Variants in TMEM132B observed in about 807,000 individuals in gnomAD.
The protein encoded by TMEM132B is transmembrane protein 132B.
In TMEM132B, 18 loss-of-function variants were observed where a neutral mutation model predicts 90.8. The ratio of observed to expected loss-of-function variants is 0.20; its 90% confidence interval spans 0.14 to 0.29. The LOEUF is 0.29. TMEM132B is among the 10% of genes least tolerant of loss of function. The pLI, the probability that TMEM132B is intolerant of heterozygous loss-of-function variation, is 1.00. For synonymous variants in TMEM132B, 504 were observed against 523.3 expected (o/e 0.96, Z 0.50); for missense variants, 1,096 against 1,326.8 (o/e 0.83, Z 2.70).
intron 1 of TMEM132B, among the ~76,000 whole-genome samples, chr12:125,259,573 T>C (rs999296656): frequency 6.6e-6 from 1 of 152,228 alleles, no homozygotes. Context: ...TTCTCTTTCC[T>C]GGGTTTGAAA....
chr12:125,603,080 A>G (rs1056660440), intron 5 of TMEM132B, among the ~76,000 whole-genome samples: 1 of 152,206 alleles, frequency 6.6e-6, no homozygotes, highest in Non-Finnish European at 1.5e-5. Flanking sequence ...TACCATTTAC[A>G]TTCTTCACAG....
chr12:125,546,064 C>G (rs1314220237), intron 4 of TMEM132B, among the ~76,000 whole-genome samples: 1 of 152,122 alleles, frequency 6.6e-6, no homozygotes, highest in Admixed American at 6.5e-5. Flanking sequence ...GTGTAATCAC[C>G]ACTAAAATAA....
chr12:125,475,099 G>A (rs1009781200), intron 3 of TMEM132B, among the ~76,000 whole-genome samples: 1 of 152,118 alleles, frequency 6.6e-6, no homozygotes, highest in Non-Finnish European at 1.5e-5. Flanking sequence ...GTGGATTACA[G>A]GTAGATATCA....
intron 3 of TMEM132B, among the ~76,000 whole-genome samples, chr12:125,507,269 A>G (rs1351597617): frequency 6.6e-6 from 1 of 152,240 alleles, no homozygotes; most frequent in Non-Finnish European, 1.5e-5. Flanking sequence ...TGATATGTTT[A>G]TGAAGTGCCT....
At chr12:125,623,425 TG>T (rs1385875152) in intron 5 of TMEM132B, among the ~76,000 whole-genome samples, 1 of 152,056 alleles carries the variant, frequency 6.6e-6, no homozygotes, top group Non-Finnish European at 1.5e-5. Flanking sequence ...TTTTTCTCCT[TG>T]GGTAAGAATA....
intron 1 of TMEM132B, among the ~76,000 whole-genome samples, chr12:125,278,059 T>C (rs1480737909): frequency 6.6e-6 from 1 of 152,214 alleles, no homozygotes; most frequent in Non-Finnish European, 1.5e-5. Flanking sequence ...GTGATAGATC[T>C]GGGATGGAAG....
At chr12:125,423,296 G>C (rs554732849) in intron 3 of TMEM132B, among the ~76,000 whole-genome samples, 37 of 152,332 alleles carry the variant, frequency 2.4e-4, no homozygotes, top group Non-Finnish European at 4.9e-4. Context: ...CTGGACACTT[G>C]GAAGACCTCT....
intron 3 of TMEM132B, among the ~76,000 whole-genome samples, chr12:125,514,379 G>T (rs552542650): frequency 3.3e-4 from 51 of 152,308 alleles, no homozygotes; most frequent in African/African-American, 1.2e-3. Flanking sequence ...TCGAGAGGAG[G>T]AGTCAGAGGT....
chr12:125,454,392 T>TTTGTGTG (rs1566041169), intron 3 of TMEM132B, among the ~76,000 whole-genome samples: 535 of 112,072 alleles, frequency 4.8e-3, no homozygotes, highest in African/African-American at 8.9e-3. Context: ...GTGTGTGTGT[T>TTTGTGTG]TGTGTGTGTG....
At chr12:125,544,206 T>C (rs142764158) in intron 4 of TMEM132B, among the ~76,000 whole-genome samples, 44 of 152,000 alleles carry the variant, frequency 2.9e-4, no homozygotes, top group Admixed American at 5.9e-4. Context: ...GGGTGGTGGG[T>C]AGGGAGAGCA....
intron 1 of TMEM132B, among the ~76,000 whole-genome samples, chr12:125,254,201 A>C (rs1231077258): frequency 6.6e-6 from 1 of 152,056 alleles, no homozygotes; most frequent in Non-Finnish European, 1.5e-5. Flanking sequence ...AGGTGGGAGG[A>C]TCACCGGAGG....
chr12:125,426,858 C>A (rs540453890), intron 3 of TMEM132B, among the ~76,000 whole-genome samples: 1 of 152,268 alleles, frequency 6.6e-6, no homozygotes, highest in East Asian at 1.9e-4. Flanking sequence ...TGAATTGAAC[C>A]AGTAGGCAGC....
intron 3 of TMEM132B, among the ~76,000 whole-genome samples, chr12:125,441,439 G>C (rs562378749): frequency 6.6e-6 from 1 of 152,262 alleles, no homozygotes; most frequent in South Asian, 2.1e-4. Context: ...ACACAGAAAG[G>C]ATGTATGATG....
At chr12:125,544,303 A>G (rs1173568619) in intron 4 of TMEM132B, among the ~76,000 whole-genome samples, 5 of 152,202 alleles carry the variant, frequency 3.3e-5, no homozygotes, top group Non-Finnish European at 2.9e-5. Flanking sequence ...TACCTATGTA[A>G]CAAACCTGCA....
At chr12:125,187,873 T>C (rs1374042117) in intron 1 of TMEM132B, among the ~76,000 whole-genome samples, 1 of 148,864 alleles carries the variant, frequency 6.7e-6, no homozygotes, top group Non-Finnish European at 1.5e-5. Flanking sequence ...ATCTCAGTTC[T>C]CCAAACCTTT....
At chr12:125,444,454 T>G (rs1397033682) in intron 3 of TMEM132B, among the ~76,000 whole-genome samples, 1 of 152,254 alleles carries the variant, frequency 6.6e-6, no homozygotes, top group Admixed American at 6.5e-5. Context: ...CTCTTTCATA[T>G]AAATGTTACA....
chr12:125,476,927 G>T (rs1881897217), intron 3 of TMEM132B, among the ~76,000 whole-genome samples: 1 of 152,096 alleles, frequency 6.6e-6, no homozygotes, highest in African/African-American at 2.4e-5. Flanking sequence ...AGGCTTCAGT[G>T]GTGGGCAGTG....
intron 3 of TMEM132B, among the ~76,000 whole-genome samples, chr12:125,499,454 G>A (rs1444821561): frequency 2.6e-5 from 4 of 152,322 alleles, no homozygotes; most frequent in African/African-American, 4.8e-5. Flanking sequence ...AGCCAACAGC[G>A]CGTGATGTGC....
rs968365804 is a variant in TMEM132B at position 125,574,933 on chromosome 12, C to A, written c.1294-8918C>A. ...CTCACTATTCAGAATAACATGGAAT[C>A]TTTTGTTTGTTTGTTTTCACTATGC... On this transcript the variant is annotated intron_variant, in intron 4 of 8. Transcript: ENST00000682704. 4.0e-5 allele frequency among the ~76,000 whole-genome samples: 6 copies of A among 150,520 alleles called. No homozygotes were observed. The East Asian group carries it at 1.2e-3, about 29-fold the overall frequency.
Sources: gnomAD v4.1 joint callset for allele counts (sites outside exome capture counted in the v4.1 genomes callset) on GRCh38, gnomAD v4.1.1 for gene constraint, MANE v1.5 for transcripts, NCBI Gene and HGNC (gene_info 2026-07-23, HGNC 2026-07-21) for gene names.